PDE4B: variants seen among roughly 807,000 people sequenced by gnomAD.
PDE4B encodes the protein 3',5'-cyclic-AMP phosphodiesterase 4B.
Under a neutral mutation model 82.2 loss-of-function variants are expected in PDE4B, and 20 were observed. The observed-to-expected ratio is 0.24, with a 90% CI of 0.17 to 0.35. The LOEUF is 0.35. Ranked by LOEUF, PDE4B falls within the 10% of genes least tolerant of loss-of-function variation. The pLI, the probability that PDE4B is intolerant of heterozygous loss-of-function variation, is 1.00. For missense variants in PDE4B, 655 were observed against 907.2 expected (o/e 0.72, Z 3.57); for synonymous variants, 320 against 318.9 (o/e 1.00, Z -0.04).
chr1:66,318,049 A>G (rs1557697472), intron 7 of PDE4B, among the ~76,000 whole-genome samples: 1 of 152,204 alleles, frequency 6.6e-6, no homozygotes, highest in African/African-American at 2.4e-5. Context: ...TAAAAAGAAC[A>G]AATTCCCAGA....
chr1:66,288,290 G>A lies in PDE4B; in HGVS notation c.634+22203G>A, dbSNP rs575092208. On this transcript the variant is annotated intron_variant, in intron 7 of 16. Transcript: ENST00000341517. The stretch of plus-strand genomic sequence containing the variant: ...TCACTACCGCAAACACACCACCAAG[G>A]GAATGGTGCTAAACCATTGATGAGA... Among the ~76,000 whole-genome samples the A allele has an allele frequency of 5.9e-5, 9 of 152,072 alleles. No homozygotes were observed. In the South Asian group the frequency reaches 1.9e-3, roughly 32 times the overall value.
At chr1:66,092,281 G>A (rs1645040587) in intron 3 of PDE4B, among the ~76,000 whole-genome samples, 1 of 152,010 alleles carries the variant, frequency 6.6e-6, no homozygotes, top group South Asian at 2.1e-4. Context: ...ATACTGGATA[G>A]TAGAACTAAT....
At chr1:66,003,682 A>G (rs527500781) in intron 3 of PDE4B, among the ~76,000 whole-genome samples, 67 of 152,254 alleles carry the variant, frequency 4.4e-4, no homozygotes, top group African/African-American at 1.6e-3. Flanking sequence ...TTCTGCTGTA[A>G]TTCCCTCAGC....
intron 3 of PDE4B, among the ~76,000 whole-genome samples, chr1:66,009,205 G>A (rs1256904998): frequency 1.3e-5 from 2 of 152,132 alleles, no homozygotes; most frequent in Non-Finnish European, 2.9e-5. Context: ...CATGATTCCT[G>A]TTTTTCTCTG....
chr1:66,357,292 C>G (rs1662330178), intron 9 of PDE4B, among the ~76,000 whole-genome samples: 1 of 152,156 alleles, frequency 6.6e-6, no homozygotes, highest in Non-Finnish European at 1.5e-5. Flanking sequence ...CTTTCAATAT[C>G]TGCTTATCAA....
chr1:66,257,881 T>C lies in PDE4B; in HGVS notation c.584+18T>C. On this transcript the variant is annotated intron_variant, in intron 6 of 16. Transcript: ENST00000341517. ...TCTAACAAGTAAGGATTGACTTTTT[T>C]GTGGAGTTTGAATCCCTAACATAAA... The C allele has an allele frequency of 1.3e-6, 2 of 1,589,396 alleles. No individual in the cohort carries two copies. Among genetic ancestry groups the C allele is most frequent in the East Asian group, 2.2e-5 (1 of 44,720 alleles).
In PDE4B at chr1:66,161,011, T is replaced by G. The variant is rs1424575586; in HGVS notation, c.282-86449T>G. On this transcript the variant is annotated intron_variant, in intron 3 of 16. Transcript: ENST00000341517. Reference sequence around the variant, plus strand: ...ATGTGTGCATTGTCAGGAAGAAATTTTAAAATACCCAGAAACAACCAGTCT... The same window carrying G: ...ATGTGTGCATTGTCAGGAAGAAATTGTAAAATACCCAGAAACAACCAGTCT... Among the ~76,000 whole-genome samples the G allele has an allele frequency of 2.0e-5, 3 of 152,004 alleles. No individual in the cohort carries two copies. In the East Asian group the frequency reaches 5.8e-4, roughly 29 times the overall value.
chr1:66,246,414 T>A (rs1653314223), intron 3 of PDE4B, among the ~76,000 whole-genome samples: 1 of 152,204 alleles, frequency 6.6e-6, no homozygotes, highest in East Asian at 1.9e-4. Context: ...TGTTGTGGTC[T>A]AATTTGAAAA....
intron 1 of PDE4B, among the ~76,000 whole-genome samples, chr1:65,851,527 TGTACAA>T (rs1381114612): frequency 6.6e-6 from 1 of 152,060 alleles, no homozygotes; most frequent in Non-Finnish European, 1.5e-5. Flanking sequence ...TAGCTTTCAT[TGTACAA>T]GTACACATAT....
intron 3 of PDE4B, among the ~76,000 whole-genome samples, chr1:65,953,780 G>T (rs1305376509): frequency 6.6e-6 from 1 of 151,892 alleles, no homozygotes; most frequent in Non-Finnish European, 1.5e-5. Flanking sequence ...ACTGAAAGTT[G>T]GCAAAATATC....
At chr1:66,141,327 A>AATATATATATATATAT (rs71058454) in intron 3 of PDE4B, among the ~76,000 whole-genome samples, 8 of 91,452 alleles carry the variant, frequency 8.7e-5, no homozygotes, top group African/African-American at 2.2e-4. Context: ...AAGCTTTGAG[A>AATATATATATATATAT]ATATATATAT....
intron 1 of PDE4B, among the ~76,000 whole-genome samples, chr1:65,843,124 C>G (rs1433295591): frequency 6.6e-6 from 1 of 152,038 alleles, no homozygotes; most frequent in Non-Finnish European, 1.5e-5. Flanking sequence ...TTCTGTCATA[C>G]TAAGGAGCTG....
intron 3 of PDE4B, among the ~76,000 whole-genome samples, chr1:66,090,621 A>ATATGTGTGTGTGTATGTG: frequency 8.1e-6 from 1 of 122,738 alleles, no homozygotes; most frequent in African/African-American, 4.1e-5. Flanking sequence ...TATATAATAT[A>ATATGTGTGTGTGTATGTG]TGTGTGTGTG....
chr1:65,816,231 G>A (rs1470092883), intron 1 of PDE4B, among the ~76,000 whole-genome samples: 8 of 59,066 alleles, frequency 1.4e-4, no homozygotes, highest in Admixed American at 1.1e-3. Flanking sequence ...GTGTGTATGA[G>A]AGAGAGAGAG....
chr1:65,977,152 A>G (rs1569867424), intron 3 of PDE4B, among the ~76,000 whole-genome samples: 1 of 152,154 alleles, frequency 6.6e-6, no homozygotes, highest in African/African-American at 2.4e-5. Context: ...CTTGATTATC[A>G]ACTCTGAAAA....
intron 3 of PDE4B, among the ~76,000 whole-genome samples, chr1:66,119,391 T>A (rs1260226369): frequency 6.6e-6 from 1 of 152,132 alleles, no homozygotes; most frequent in Non-Finnish European, 1.5e-5. Context: ...TATTATGGAG[T>A]AGAACACAGA....
chr1:66,104,045 G>A (rs549758812), intron 3 of PDE4B, among the ~76,000 whole-genome samples: 11 of 151,224 alleles, frequency 7.3e-5, no homozygotes, highest in Admixed American at 2.0e-4. Flanking sequence ...CCATTAACTC[G>A]TCATTTAGCA....
At chr1:66,108,939 A>G (rs1478291973) in intron 3 of PDE4B, among the ~76,000 whole-genome samples, 2 of 152,014 alleles carry the variant, frequency 1.3e-5, no homozygotes, top group East Asian at 1.9e-4. Flanking sequence ...ACTCTTGGTC[A>G]TACAGAAAGT....
chr1:66,015,984 G>A (rs932860343), intron 3 of PDE4B, among the ~76,000 whole-genome samples: 1 of 152,182 alleles, frequency 6.6e-6, no homozygotes, highest in Non-Finnish European at 1.5e-5. Flanking sequence ...AAATTGAGAT[G>A]CATAAGACAA....
Sources: gnomAD v4.1 joint callset for allele counts (sites outside exome capture counted in the v4.1 genomes callset) on GRCh38, gnomAD v4.1.1 for gene constraint, MANE v1.5 for transcripts, NCBI Gene and HGNC (gene_info 2026-07-23, HGNC 2026-07-21) for gene names.